The following NCOA2 variants were observed in gnomAD, a reference collection of about 807,000 sequenced individuals.
NCOA2 encodes the protein nuclear receptor coactivator 2, also known as class E basic helix-loop-helix protein 75.
In NCOA2, 21 loss-of-function variants were observed where a neutral mutation model predicts 145.1. The ratio of observed to expected loss-of-function variants is 0.14; its 90% confidence interval spans 0.10 to 0.21. The LOEUF is 0.21. Ranked by LOEUF, NCOA2 falls within the 10% of genes least tolerant of loss-of-function variation. NCOA2 has a pLI of 1.00. For synonymous variants in NCOA2, 619 were observed against 637.5 expected (o/e 0.97, Z 0.44); for missense variants, 1,472 against 1,837.6 (o/e 0.80, Z 3.64).
chr8:70,193,064 T>TTA (rs750959629), intron 4 of NCOA2, among the ~76,000 whole-genome samples: 6 of 86,574 alleles, frequency 6.9e-5, no homozygotes, highest in African/African-American at 1.0e-4. Flanking sequence ...GAGACTCTAT[T>TTA]AAAAAAAAAA....
chr8:70,130,634 G>A (rs914953259), intron 16 of NCOA2, among the ~76,000 whole-genome samples: 2 of 152,154 alleles, frequency 1.3e-5, no homozygotes, highest in Non-Finnish European at 2.9e-5. Context: ...ACTCCCACCT[G>A]TGTCTGCTCA....
At chr8:70,330,659 T>A (rs1586512220) in intron 1 of NCOA2, among the ~76,000 whole-genome samples, 1 of 150,620 alleles carries the variant, frequency 6.6e-6, no homozygotes, top group East Asian at 1.9e-4. Flanking sequence ...AAAAATCAGA[T>A]ACCAGAAATT....
At chr8:70,138,758 A>T (rs1245142669) in intron 14 of NCOA2, among the ~76,000 whole-genome samples, 1 of 152,260 alleles carries the variant, frequency 6.6e-6, no homozygotes, top group Admixed American at 6.5e-5. Context: ...TTGCAAAATT[A>T]AAAAATTCTT....
At chr8:70,232,661 G>A (rs1309872557) in intron 2 of NCOA2, among the ~76,000 whole-genome samples, 1 of 151,964 alleles carries the variant, frequency 6.6e-6, no homozygotes, top group Admixed American at 6.6e-5. Flanking sequence ...GGGAGACCCT[G>A]CTGCAATATT....
chr8:70,380,569 T>A lies in NCOA2; in HGVS notation c.-77+23131A>T, dbSNP rs540942191. On this transcript the variant is annotated intron_variant, in intron 1 of 22. Transcript: ENST00000452400. ...AAAAAGATTTCTGCTGTCACAGAGCTTAGAACTGTGTGTGTTTATTAATGT... is the reference window on the plus strand; with the variant it reads ...AAAAAGATTTCTGCTGTCACAGAGCATAGAACTGTGTGTGTTTATTAATGT... Among the ~76,000 whole-genome samples, 3 of 152,286 alleles carry A rather than the reference T, an allele frequency of 2.0e-5. No homozygotes were observed. The East Asian group carries it at 5.8e-4, about 29-fold the overall frequency.
intron 22 of NCOA2, among the ~76,000 whole-genome samples, chr8:70,116,184 CTT>C (rs1262118964): frequency 1.4e-4 from 9 of 65,966 alleles, no homozygotes; most frequent in Admixed American, 4.7e-4. Flanking sequence ...GAGACTCTGT[CTT>C]AAAAAAAAAA....
chr8:70,340,574 C>T (rs768979094), intron 1 of NCOA2, among the ~76,000 whole-genome samples: 1 of 152,066 alleles, frequency 6.6e-6, no homozygotes, highest in Non-Finnish European at 1.5e-5. Flanking sequence ...TACCATTTGA[C>T]CCAGCAATCC....
At position 70,124,850 on chromosome 8, in the gene NCOA2, G is replaced by C. The variant is rs955821437; in HGVS notation, c.3932C>G (p.Pro1311Arg). ...FPPNYGISQQ[P>R]DPGFTGATTP... ...CGTAGCCCCAGTAAAGCCTGGATCA[G>C]GTTGCTGACTTATTCCTTAAAAAAA... Residue 1311 changes from proline (P) to arginine (R), a missense_variant, in exon 20 of 23, where the codon CCT becomes CGT. By Grantham distance (103) the Pro-to-Arg change is moderately radical. Transcript: ENST00000452400. 1.3e-6 allele frequency: 2 copies of C among 1,590,488 alleles called. No individual in the cohort carries two copies. The highest frequency in any genetic ancestry group is 8.5e-7 in the Non-Finnish European group (1 of 1,173,062).
intron 2 of NCOA2, among the ~76,000 whole-genome samples, chr8:70,264,528 A>C (rs1405715339): frequency 6.6e-6 from 1 of 152,172 alleles, no homozygotes; most frequent in African/African-American, 2.4e-5. Context: ...GTCTTATACC[A>C]AATGTCAACC....
chr8:70,441,294 A>C, the NCOA2 span, among the ~76,000 whole-genome samples: 1 of 150,676 alleles, frequency 6.6e-6, no homozygotes, highest in Non-Finnish European at 1.5e-5. Flanking sequence ...AAAAGGAAGA[A>C]AAGAAAGAAA....
At chr8:70,278,588 A>G (rs544679061) in intron 2 of NCOA2, among the ~76,000 whole-genome samples, 2 of 152,070 alleles carry the variant, frequency 1.3e-5, no homozygotes, top group East Asian at 3.9e-4. Context: ...TCTCATCTGG[A>G]TCACTTCCAC....
the NCOA2 span, among the ~76,000 whole-genome samples, chr8:70,453,356 C>T: frequency 6.6e-6 from 1 of 152,222 alleles, no homozygotes; most frequent in East Asian, 1.9e-4. Flanking sequence ...TAGGCTCACG[C>T]AGAAATTACC....
chr8:70,403,535 C>G (rs1814586776), intron 1 of NCOA2, among the ~76,000 whole-genome samples, 165 bp downstream of exon 1: 2 of 151,380 alleles, frequency 1.3e-5, no homozygotes, highest in African/African-American at 4.8e-5. Context: ...TTTCCGCGCA[C>G]TCCGGCGGCG....
chr8:70,385,412 T>C (rs1333792227), intron 1 of NCOA2, among the ~76,000 whole-genome samples: 1 of 152,190 alleles, frequency 6.6e-6, no homozygotes, highest in African/African-American at 2.4e-5. Flanking sequence ...CAAATACTCT[T>C]GTATTCAAGA....
At chr8:70,447,603 T>C in the NCOA2 span, among the ~76,000 whole-genome samples, 12 of 152,040 alleles carry the variant, frequency 7.9e-5, no homozygotes, top group Admixed American at 3.3e-4. Context: ...TCCTAATCCC[T>C]GGTTGATAGT....
intron 2 of NCOA2, among the ~76,000 whole-genome samples, chr8:70,261,904 T>C (rs1824167488): frequency 6.6e-6 from 1 of 152,096 alleles, no homozygotes. Flanking sequence ...ATGGTAGGCA[T>C]GCTCCAGATG....
chr8:70,169,926 T>TCATC (rs1237634928), intron 6 of NCOA2, among the ~76,000 whole-genome samples: 1 of 83,294 alleles, frequency 1.2e-5, no homozygotes, highest in Non-Finnish European at 2.8e-5. Flanking sequence ...TCATCATCAC[T>TCATC]TCTTGGCCTT....
the NCOA2 span, among the ~76,000 whole-genome samples, chr8:70,421,769 A>C: frequency 6.6e-6 from 1 of 152,038 alleles, no homozygotes; most frequent in Admixed American, 6.6e-5. Flanking sequence ...GTAAAAAAAA[A>C]AAAGTAAATG....
At chr8:70,208,751 A>G (rs1057045333) in intron 4 of NCOA2, among the ~76,000 whole-genome samples, 6 of 152,220 alleles carry the variant, frequency 3.9e-5, no homozygotes, top group African/African-American at 1.4e-4. Context: ...AGTATGGTTT[A>G]CTGACTATTT....
Sources: allele counts gnomAD v4.1 joint callset (sites outside exome capture counted in the v4.1 genomes callset), GRCh38; gene constraint gnomAD v4.1.1; transcripts MANE v1.5; gene names NCBI Gene and HGNC (gene_info 2026-07-23, HGNC 2026-07-21).